ADGRB3: variants seen among roughly 807,000 people sequenced by gnomAD.
The protein encoded by ADGRB3 is brain-specific angiogenesis inhibitor 3.
In ADGRB3, 37 loss-of-function variants were observed where a neutral mutation model predicts 193.4. That is an observed-to-expected ratio of 0.19 (90% CI 0.15 to 0.25). The LOEUF (loss-of-function observed/expected upper bound fraction) is 0.25, where lower values mean the gene tolerates loss of function less well. Among genes scored for constraint, ADGRB3 ranks in the 10% least tolerant of loss-of-function variants. The pLI, the probability that ADGRB3 is intolerant of heterozygous loss-of-function variation, is 1.00. For synonymous variants in ADGRB3, 690 were observed against 644.2 expected (o/e 1.07, Z -1.08); for missense variants, 1,637 against 1,852.9 (o/e 0.88, Z 2.14).
intron 3 of ADGRB3, among the ~76,000 whole-genome samples, chr6:68,741,252 C>T (rs913170167): frequency 2.0e-5 from 3 of 152,290 alleles, no homozygotes; most frequent in East Asian, 3.9e-4. Flanking sequence ...TTTTTATCCA[C>T]ATCTTACAGA....
intron 17 of ADGRB3, among the ~76,000 whole-genome samples, chr6:69,186,021 TG>T (rs1015954634): frequency 4.0e-4 from 61 of 152,178 alleles, no homozygotes; most frequent in African/African-American, 1.4e-3. Context: ...TGCATGTGTG[TG>T]CATTTGTGGG....
intron 3 of ADGRB3, among the ~76,000 whole-genome samples, chr6:68,777,391 T>G (rs146448634): frequency 6.6e-6 from 1 of 151,020 alleles, no homozygotes; most frequent in East Asian, 1.9e-4. Context: ...AGAAATATAT[T>G]TTTTTTGGCA....
chr6:68,944,550 C>T (rs1767725637), intron 6 of ADGRB3, among the ~76,000 whole-genome samples: 1 of 152,006 alleles, frequency 6.6e-6, no homozygotes, highest in Non-Finnish European at 1.5e-5. Flanking sequence ...TTTATGTTAT[C>T]TTAAATTTTT....
At chr6:68,922,651 G>C (rs1046183423) in intron 3 of ADGRB3, among the ~76,000 whole-genome samples, 1 of 152,164 alleles carries the variant, frequency 6.6e-6, no homozygotes, top group African/African-American at 2.4e-5. Context: ...AGACCTTAGA[G>C]ATCATGTTCC....
intron 3 of ADGRB3, among the ~76,000 whole-genome samples, chr6:68,893,529 CTT>C (rs776176268): frequency 1.4e-5 from 2 of 141,028 alleles, no homozygotes; most frequent in African/African-American, 2.6e-5. Context: ...ACAACCAACT[CTT>C]TTTTTTTTTT....
At position 68,936,619 on chromosome 6, in the gene ADGRB3, G is replaced by T; in HGVS notation, c.969G>T (p.Gly323=). The T allele has an allele frequency of 6.2e-7, 1 of 1,613,924 alleles. No homozygotes were observed. The highest frequency in any genetic ancestry group is 8.5e-7 in the Non-Finnish European group (1 of 1,179,962). ...CCAGAACTTGTGTATCACCTTACGG[G>T]ACACACTGCAGCGGCCCATTAAGAG... is the stretch of plus-strand genomic sequence containing the variant. ...VRTRTCVSPY[G]THCSGPLRES... The change falls in exon 5 of 32, where the codon GGG becomes GGT. Residue 323 remains glycine, a synonymous_variant. Coordinates refer to ENST00000370598, the MANE Select transcript of ADGRB3 (RefSeq NM_001704.3).
intron 11 of ADGRB3, among the ~76,000 whole-genome samples, chr6:69,012,583 G>T (rs1233650546): frequency 1.3e-5 from 2 of 152,040 alleles, no homozygotes; most frequent in South Asian, 4.1e-4. Flanking sequence ...AAGGCTGAAA[G>T]AATTGAAAAA....
intron 3 of ADGRB3, among the ~76,000 whole-genome samples, chr6:68,868,825 C>T (rs1481194341): frequency 1.3e-5 from 2 of 151,580 alleles, no homozygotes; most frequent in Non-Finnish European, 2.9e-5. Context: ...CCTTGTAATA[C>T]AATAATACAA....
chr6:69,194,675 G>A, intron 17 of ADGRB3, among the ~76,000 whole-genome samples: 1 of 151,968 alleles, frequency 6.6e-6, no homozygotes, highest in Non-Finnish European at 1.5e-5. Flanking sequence ...ACTTAACAAG[G>A]AATTTTGATG....
chr6:69,035,349 T>TG (rs889309584), intron 13 of ADGRB3, among the ~76,000 whole-genome samples: 2 of 113,732 alleles, frequency 1.8e-5, no homozygotes, highest in Non-Finnish European at 3.7e-5. Context: ...ATAGGACCTA[T>TG]GGGTTTTTTG....
chr6:68,816,529 C>T (rs1389368101), intron 3 of ADGRB3, among the ~76,000 whole-genome samples: 1 of 151,880 alleles, frequency 6.6e-6, no homozygotes, highest in Non-Finnish European at 1.5e-5. Flanking sequence ...ATTTATGAAA[C>T]AAATATAAAT....
intron 3 of ADGRB3, among the ~76,000 whole-genome samples, chr6:68,858,935 A>C (rs1410851935): frequency 6.6e-6 from 1 of 152,204 alleles, no homozygotes; most frequent in Non-Finnish European, 1.5e-5. Flanking sequence ...TTTGGAGATT[A>C]GCATTTGGCT....
intron 3 of ADGRB3, among the ~76,000 whole-genome samples, chr6:68,741,373 A>T (rs1006223921): frequency 3.3e-5 from 5 of 151,856 alleles, no homozygotes; most frequent in African/African-American, 9.7e-5. Context: ...CTTTTTTTAA[A>T]TTTTTTTTAA....
chr6:69,347,362 T>C (rs1266820468), intron 26 of ADGRB3, among the ~76,000 whole-genome samples: 2 of 151,990 alleles, frequency 1.3e-5, no homozygotes, highest in African/African-American at 2.4e-5. Context: ...ATAATAATAA[T>C]AAATAAAAGA....
intron 3 of ADGRB3, among the ~76,000 whole-genome samples, chr6:68,928,153 G>A (rs981230959): frequency 7.2e-5 from 11 of 151,998 alleles, no homozygotes; most frequent in Middle Eastern, 3.4e-3. Flanking sequence ...ACTTAAATTC[G>A]TTCTATTCTT....
chr6:68,928,960 C>T (rs567374363), intron 3 of ADGRB3, among the ~76,000 whole-genome samples: 1 of 152,186 alleles, frequency 6.6e-6, no homozygotes, highest in South Asian at 2.1e-4. Flanking sequence ...ATTGGATAGT[C>T]AGTCTAGATA....
intron 3 of ADGRB3, among the ~76,000 whole-genome samples, chr6:68,899,094 G>A (rs1766321681): frequency 6.6e-6 from 1 of 152,066 alleles, no homozygotes; most frequent in Admixed American, 6.6e-5. Context: ...AATGTAAGAT[G>A]TTAACATTAG....
At chr6:68,771,720 C>A (rs528790031) in intron 3 of ADGRB3, among the ~76,000 whole-genome samples, 2 of 152,062 alleles carry the variant, frequency 1.3e-5, no homozygotes, top group South Asian at 4.2e-4. Flanking sequence ...AAAAATATAG[C>A]AGCATTAAGG....
intron 17 of ADGRB3, among the ~76,000 whole-genome samples, chr6:69,095,692 C>G (rs1772853344): frequency 6.6e-6 from 1 of 152,098 alleles, no homozygotes; most frequent in African/African-American, 2.4e-5. Flanking sequence ...ATATAAAAGA[C>G]ATTAAGTGAC....
Sources: allele counts gnomAD v4.1 joint callset (sites outside exome capture counted in the v4.1 genomes callset), GRCh38; gene constraint gnomAD v4.1.1; transcripts MANE v1.5; gene names NCBI Gene and HGNC (gene_info 2026-07-23, HGNC 2026-07-21).